TRDN: variants seen among roughly 807,000 people sequenced by gnomAD.
The protein encoded by TRDN is triadin.
In TRDN, 161 loss-of-function variants were observed where a neutral mutation model predicts 149.7. The ratio of observed to expected loss-of-function variants is 1.08; its 90% CI spans 0.95 to 1.23. The LOEUF is 1.23. Among genes scored for constraint, TRDN ranks in the 50% most tolerant of loss-of-function variants. TRDN has a pLI of 0.00. For missense variants in TRDN, 896 were observed against 823.5 expected, an observed-to-expected ratio of 1.09 and a Z score of -1.08; for synonymous variants, 294 against 250.5, an observed-to-expected ratio of 1.17 and a Z score of -1.64.
intron 24 of TRDN, among the ~76,000 whole-genome samples, chr6:123,306,171 G>A (rs1480528327): frequency 6.6e-6 from 1 of 152,080 alleles, no homozygotes; most frequent in South Asian, 2.1e-4. Context: ...GCTGATGTCT[G>A]CCCAGGGACA....
At chr6:123,491,564 C>A (rs1778219039) in intron 9 of TRDN, among the ~76,000 whole-genome samples, 1 of 151,948 alleles carries the variant, frequency 6.6e-6, no homozygotes, top group Non-Finnish European at 1.5e-5. Flanking sequence ...ATTAAAACTC[C>A]AAGAGGTTGA....
chr6:123,388,848 A>C (rs542170680), intron 13 of TRDN, among the ~76,000 whole-genome samples: 1 of 152,308 alleles, frequency 6.6e-6, no homozygotes, highest in South Asian at 2.1e-4. Context: ...TAAATTTTAT[A>C]TCTGAGGAAA....
intron 24 of TRDN, among the ~76,000 whole-genome samples, chr6:123,286,756 T>A (rs1777818769): frequency 6.6e-6 from 1 of 151,956 alleles, no homozygotes; most frequent in South Asian, 2.1e-4. Flanking sequence ...TGGGGGAGTG[T>A]TGTGTGTCTG....
chr6:123,505,519 T>C (rs1197350083), intron 7 of TRDN, among the ~76,000 whole-genome samples: 1 of 152,122 alleles, frequency 6.6e-6, no homozygotes, highest in Non-Finnish European at 1.5e-5. Context: ...GTATTAGGTA[T>C]TGGAGAATAT....
At chr6:123,401,747 C>A (rs528658469) in intron 12 of TRDN, among the ~76,000 whole-genome samples, 1 of 151,994 alleles carries the variant, frequency 6.6e-6, no homozygotes, top group East Asian at 1.9e-4. Flanking sequence ...GAGTTCGAGA[C>A]AGCCTACTGG....
chr6:123,383,769 T>C (rs1049214328), intron 14 of TRDN, among the ~76,000 whole-genome samples: 4 of 152,138 alleles, frequency 2.6e-5, no homozygotes, highest in African/African-American at 7.2e-5. Context: ...TAATGGTAGT[T>C]GTGGACAGAT....
At chr6:123,608,689 G>A (rs1338954739) in intron 1 of TRDN, among the ~76,000 whole-genome samples, 1 of 152,114 alleles carries the variant, frequency 6.6e-6, no homozygotes, top group African/African-American at 2.4e-5. Flanking sequence ...ATTGGAAAAG[G>A]TATGAAGAAA....
chr6:123,593,535 T>C (rs1236915071), intron 1 of TRDN, among the ~76,000 whole-genome samples: 1 of 152,226 alleles, frequency 6.6e-6, no homozygotes, highest in African/African-American at 2.4e-5. Flanking sequence ...AAAGTATTGA[T>C]AGGGTTCTTT....
chr6:123,254,824 T>A (rs1776498010), intron 37 of TRDN: 1 of 307,826 alleles, frequency 3.2e-6, no homozygotes, highest in East Asian at 6.5e-5. Flanking sequence ...TTGTAATTGA[T>A]AATTTTTCTT....
intron 9 of TRDN, chr6:123,471,040 TA>T (rs1207978499): frequency 6.6e-6 from 1 of 152,156 alleles, no homozygotes; most frequent in Non-Finnish European, 1.5e-5. Context: ...GAGTACCCTA[TA>T]AAAGTTTATC....
rs559100523 is a variant in TRDN, at chr6:123,362,669, G to A, written c.1321+3466C>T. The stretch of plus-strand genomic sequence containing the variant: ...AGGTAAGATTAATTTTCAAACTTCC[G>A]TAGAACTTTACCTGTATTTATATCT... On this transcript the variant is annotated intron_variant, in intron 20 of 40. Coordinates refer to ENST00000334268, the MANE Select transcript of TRDN (RefSeq NM_006073.4). Among the ~76,000 whole-genome samples, 22 of 152,138 alleles carry A rather than the reference G, an allele frequency of 1.4e-4. No homozygotes were observed. In the South Asian group the frequency reaches 1.9e-3, roughly 13 times the overall value.
chr6:123,457,657 A>T (rs1776208966), intron 10 of TRDN: 1 of 408,714 alleles, frequency 2.4e-6, no homozygotes, highest in East Asian at 7.2e-5. Flanking sequence ...CTTTTCCATG[A>T]CACTAAGCTG....
At chr6:123,278,452 T>C (rs1582813980) in intron 25 of TRDN, 105 bp from the exon 26 acceptor site, 2 of 743,604 alleles carry the variant, frequency 2.7e-6, no homozygotes, top group East Asian at 5.2e-5. Flanking sequence ...ATGTTATTCA[T>C]TGGTTTCAAT....
intron 1 of TRDN, among the ~76,000 whole-genome samples, chr6:123,623,667 G>A (rs1785508038): frequency 6.6e-6 from 1 of 152,026 alleles, no homozygotes; most frequent in South Asian, 2.1e-4. Context: ...GGAATTTTTA[G>A]GATCTAGGGA....
intron 10 of TRDN, among the ~76,000 whole-genome samples, chr6:123,443,824 A>G (rs921959185): frequency 4.7e-5 from 7 of 149,230 alleles, no homozygotes; most frequent in Non-Finnish European, 1.0e-4. Context: ...AAGATCAGAT[A>G]GTTATAGATA....
At chr6:123,531,144 A>T (rs1205997927) in intron 4 of TRDN, among the ~76,000 whole-genome samples, 1 of 152,000 alleles carries the variant, frequency 6.6e-6, no homozygotes, top group Non-Finnish European at 1.5e-5. Context: ...GTTTTAGCAA[A>T]TATATTCAAT....
At chr6:123,600,992 T>C (rs1310838397) in intron 1 of TRDN, among the ~76,000 whole-genome samples, 2 of 152,104 alleles carry the variant, frequency 1.3e-5, no homozygotes, top group African/African-American at 2.4e-5. Flanking sequence ...GTTGCAAATA[T>C]GAAAATACTT....
At chr6:123,502,581 A>G in intron 8 of TRDN, 1 of 984,904 alleles carries the variant, frequency 1.0e-6, no homozygotes, top group Non-Finnish European at 1.2e-6. Context: ...ATGCAAATTC[A>G]AGAGAAAAAA....
intron 38 of TRDN, among the ~76,000 whole-genome samples, chr6:123,239,809 T>C (rs1775920214): frequency 6.6e-6 from 1 of 152,006 alleles, no homozygotes; most frequent in Non-Finnish European, 1.5e-5. Flanking sequence ...GGAAATAGAT[T>C]AATAAAATAA....
Sources: gnomAD v4.1 joint callset for allele counts (sites outside exome capture counted in the v4.1 genomes callset) on GRCh38, gnomAD v4.1.1 for gene constraint, MANE v1.5 for transcripts, NCBI Gene and HGNC (gene_info 2026-07-23, HGNC 2026-07-21) for gene names.